ATP8B4: variants seen among roughly 807,000 people sequenced by gnomAD.
ATP8B4 encodes ATPase phospholipid transporting 8B4 (putative), also known as probable phospholipid-transporting ATPase IM.
In ATP8B4, 133 loss-of-function variants were observed where a neutral mutation model predicts 145.6. That is an observed-to-expected ratio of 0.91 (90% CI 0.79 to 1.05). The LOEUF is 1.05. Ranked by LOEUF, ATP8B4 falls within the 50% of genes least tolerant of loss-of-function variation. The probability of loss-of-function intolerance (pLI) is 0.00; values close to 1 mark genes in which losing one functional copy is unlikely to be tolerated. For synonymous variants in ATP8B4, 507 were observed against 492.9 expected (o/e 1.03, Z -0.38); for missense variants, 1,458 against 1,425.2 (o/e 1.02, Z -0.37).
At chr15:49,964,581 C>A (rs2044363096) in intron 13 of ATP8B4, among the ~76,000 whole-genome samples, 1 of 152,080 alleles carries the variant, frequency 6.6e-6, no homozygotes, top group Non-Finnish European at 1.5e-5. Flanking sequence ...GAGTGCTTTA[C>A]TAAGAATTTA....
intron 14 of ATP8B4, among the ~76,000 whole-genome samples, chr15:49,950,599 A>AAAAC (rs1213895287): frequency 4.6e-5 from 4 of 87,818 alleles, no homozygotes; most frequent in South Asian, 4.3e-4. Context: ...CTAAAAAAAA[A>AAAAC]AAACAAACAA....
intron 7 of ATP8B4, among the ~76,000 whole-genome samples, chr15:50,007,399 G>A (rs2048386271): frequency 6.6e-6 from 1 of 152,196 alleles, no homozygotes; most frequent in Non-Finnish European, 1.5e-5. Flanking sequence ...GTGGTTAGAA[G>A]TGGAGGCACT....
chr15:50,038,699 C>A, intron 6 of ATP8B4, 69 bp downstream of exon 6: 4 of 1,176,208 alleles, frequency 3.4e-6, no homozygotes, highest in South Asian at 1.4e-5. Context: ...AAGAGAAAGC[C>A]ACCAATCGTC....
intron 22 of ATP8B4, among the ~76,000 whole-genome samples, 167 bp downstream of exon 22, chr15:49,897,900 TG>T (rs1158161538): frequency 1.3e-5 from 2 of 152,216 alleles, no homozygotes; most frequent in Non-Finnish European, 2.9e-5. Flanking sequence ...AAAGAAATTT[TG>T]TTACGAATAC....
At position 49,916,941 on chromosome 15, in the gene ATP8B4, C is replaced by T; in HGVS notation, c.2134G>A (p.Glu712Lys). ...AGNNAVEVRE[E>K]LRKAKQNLFG... ...CCTTCCTTCAACACCTACCTGAGTT[C>T]TTCTCTCACTTCCACAGCATTATTC... is the stretch of plus-strand genomic sequence containing the variant. The change falls in exon 20 of 28, where the codon GAA becomes AAA. Residue 712 changes from glutamate (E) to lysine (K), a missense_variant. Glu to Lys is a moderately conservative substitution (Grantham distance 56, BLOSUM62 1). Coordinates refer to ENST00000284509, the MANE Select transcript of ATP8B4 (RefSeq NM_024837.4). The T allele has an allele frequency of 6.2e-7, 1 of 1,613,418 alleles. No homozygotes were observed. Among genetic ancestry groups the T allele is most frequent in the Non-Finnish European group, 8.5e-7 (1 of 1,179,618 alleles).
At chr15:50,169,410 G>A (rs1424723517) in intron 1 of ATP8B4, among the ~76,000 whole-genome samples, 1 of 152,210 alleles carries the variant, frequency 6.6e-6, no homozygotes, top group African/African-American at 2.4e-5. Context: ...TCACTGGGTG[G>A]TGAGACCCAG....
At chr15:49,911,488 A>C (rs2039221279) in intron 20 of ATP8B4, among the ~76,000 whole-genome samples, 1 of 152,134 alleles carries the variant, frequency 6.6e-6, no homozygotes, top group South Asian at 2.1e-4. Flanking sequence ...AGAGGATATT[A>C]CAATTCTAAA....
chr15:50,108,098 C>T (rs1228703456), intron 1 of ATP8B4, among the ~76,000 whole-genome samples: 2 of 152,038 alleles, frequency 1.3e-5, no homozygotes, highest in African/African-American at 4.8e-5. Context: ...AAAAGCAAGG[C>T]TAGGTCATCA....
intron 1 of ATP8B4, among the ~76,000 whole-genome samples, chr15:50,114,045 G>A (rs1262304524): frequency 1.4e-5 from 2 of 139,816 alleles, no homozygotes; most frequent in Non-Finnish European, 3.0e-5. Context: ...ACATTTCAAA[G>A]CTTCTCTTCG....
At chr15:49,951,289 C>G (rs1217238206) in intron 14 of ATP8B4, among the ~76,000 whole-genome samples, 2 of 152,140 alleles carry the variant, frequency 1.3e-5, no homozygotes, top group Non-Finnish European at 2.9e-5. Flanking sequence ...CTAATACTGA[C>G]AGTGGGATGT....
At chr15:49,951,261 G>A (rs893322086) in intron 14 of ATP8B4, among the ~76,000 whole-genome samples, 1 of 152,034 alleles carries the variant, frequency 6.6e-6, no homozygotes, top group South Asian at 2.1e-4. Context: ...TTGGTAATTT[G>A]CAGTCTCATT....
At chr15:50,019,354 A>C (rs1004610586) in intron 6 of ATP8B4, among the ~76,000 whole-genome samples, 2 of 152,168 alleles carry the variant, frequency 1.3e-5, no homozygotes, top group African/African-American at 4.8e-5. Flanking sequence ...ACCTACCAAA[A>C]CCGGCTCTTA....
intron 6 of ATP8B4, among the ~76,000 whole-genome samples, chr15:50,012,696 T>C (rs912479343): frequency 3.9e-5 from 6 of 151,994 alleles, no homozygotes; most frequent in Admixed American, 2.0e-4. Context: ...AAGCACAAAA[T>C]AGGTTATTTT....
chr15:49,877,621 C>A (rs2034669943), intron 24 of ATP8B4, among the ~76,000 whole-genome samples: 1 of 152,136 alleles, frequency 6.6e-6, no homozygotes, highest in African/African-American at 2.4e-5. Context: ...ACAAGACAGT[C>A]ATGAGCTCAA....
chr15:50,011,810 G>A (rs1484153721), intron 6 of ATP8B4, among the ~76,000 whole-genome samples: 1 of 152,098 alleles, frequency 6.6e-6, no homozygotes, highest in Admixed American at 6.6e-5. Flanking sequence ...CTTTCTCAGA[G>A]ATTCCCTTCT....
At position 50,164,373 on chromosome 15, in the gene ATP8B4, T is replaced by C. The variant is rs77652313; in HGVS notation, c.-43+17888A>G. Among the ~76,000 whole-genome samples, 1,503 of 152,262 alleles carry C rather than the reference T, an allele frequency of 9.9e-3. 30 individuals carry two copies. Among genetic ancestry groups the C allele is most frequent in the African/African-American group, 0.035 (1,441 of 41,542 alleles). On this transcript the variant is annotated intron_variant, in intron 1 of 3. Transcript: ENST00000558829. ...ATGAATCCTGCCAAGATGAGATTTT[T>C]CCCTTCAAGGTATCAATTCTCTTCT...
At chr15:50,078,089 C>T (rs2054298399) in intron 2 of ATP8B4, among the ~76,000 whole-genome samples, 1 of 151,916 alleles carries the variant, frequency 6.6e-6, no homozygotes, top group African/African-American at 2.4e-5. Flanking sequence ...ATGCTGAATA[C>T]AGGTAGAAAA....
chr15:50,102,722 A>T (rs1640493146), intron 2 of ATP8B4, among the ~76,000 whole-genome samples: 1 of 151,684 alleles, frequency 6.6e-6, no homozygotes, highest in Admixed American at 6.6e-5. Context: ...CAAAGAGAGA[A>T]TCCTCCCTAA....
At chr15:50,073,879 T>C (rs970552019) in intron 3 of ATP8B4, among the ~76,000 whole-genome samples, 4 of 152,062 alleles carry the variant, frequency 2.6e-5, no homozygotes, top group African/African-American at 9.7e-5. Flanking sequence ...TAAACATCAA[T>C]TCTTGAGAAA....
Sources: gnomAD v4.1 joint callset for allele counts (sites outside exome capture counted in the v4.1 genomes callset) on GRCh38, gnomAD v4.1.1 for gene constraint, MANE v1.5 for transcripts, NCBI Gene and HGNC (gene_info 2026-07-23, HGNC 2026-07-21) for gene names.